The following TNRC6B variants were observed in gnomAD, a reference collection of about 807,000 sequenced individuals.
TNRC6B encodes the protein trinucleotide repeat-containing gene 6B protein.
Under a neutral mutation model 203.6 loss-of-function variants are expected in TNRC6B, and 52 were observed. That is an observed-to-expected ratio of 0.26 (90% confidence interval 0.20 to 0.32). The LOEUF (loss-of-function observed/expected upper bound fraction) is 0.32, where lower values mean the gene tolerates loss of function less well. Ranked by LOEUF, TNRC6B falls within the 10% of genes least tolerant of loss-of-function variation. The pLI, the probability that TNRC6B is intolerant of heterozygous loss-of-function variation, is 1.00. For missense variants in TNRC6B, 1,923 were observed against 2,286.2 expected (o/e 0.84, Z 3.24); for synonymous variants, 838 against 845.7 (o/e 0.99, Z 0.16).
At position 40,287,209 on chromosome 22, in the gene TNRC6B, A is replaced by G. The variant is rs181393431; in HGVS notation, c.3708+1439A>G. Among the ~76,000 whole-genome samples the G allele has an allele frequency of 1.4e-4, 22 of 151,818 alleles. No homozygotes were observed. In the East Asian group the frequency reaches 2.9e-3, roughly 20 times the overall value. On this transcript the variant is annotated intron_variant, in intron 12 of 22. Coordinates refer to ENST00000454349, the MANE Select transcript of TNRC6B (RefSeq NM_001162501.2). ...TATTGTGTAGAGGTGGAGTCATGCT[A>G]TGTTGCCCAGGCTGGTCTCAAGCTC...
chr22:40,056,769 G>A (rs1601788393), intron 1 of TNRC6B, among the ~76,000 whole-genome samples: 1 of 144,588 alleles, frequency 6.9e-6, no homozygotes, highest in African/African-American at 2.7e-5. Context: ...CTACACTCCA[G>A]CCTGAGAGAC....
intron 4 of TNRC6B, among the ~76,000 whole-genome samples, chr22:40,165,259 C>T (rs2068909011): frequency 6.6e-6 from 1 of 152,058 alleles, no homozygotes; most frequent in South Asian, 2.1e-4. Flanking sequence ...TTATTGCAGC[C>T]TCCACCTCCT....
chr22:40,228,546 G>T lies in TNRC6B; in HGVS notation c.6-17469G>T, dbSNP rs1221511955. Reference sequence around the variant, plus strand: ...GTTTCTTTTTTTTTTTTGAGACAGAGTCTTGCTGTGTCGCCCAGGCTGGAG... The same window carrying T: ...GTTTCTTTTTTTTTTTTGAGACAGATTCTTGCTGTGTCGCCCAGGCTGGAG... On this transcript the variant is annotated intron_variant, in intron 1 of 22. Transcript: ENST00000454349. Among the ~76,000 whole-genome samples, 12 of 150,428 alleles carry T rather than the reference G, an allele frequency of 8.0e-5. No individual in the cohort carries two copies. The East Asian group carries it at 2.4e-3, about 30-fold the overall frequency.
chr22:40,319,420 T>C (rs1280233070), intron 21 of TNRC6B, among the ~76,000 whole-genome samples: 2 of 149,016 alleles, frequency 1.3e-5, no homozygotes, highest in African/African-American at 2.5e-5. Context: ...AACTTTTCTT[T>C]TCTTTTTTTT....
chr22:40,231,316 G>A (rs145679083), intron 1 of TNRC6B, among the ~76,000 whole-genome samples: 5 of 152,154 alleles, frequency 3.3e-5, no homozygotes, highest in African/African-American at 4.8e-5. Flanking sequence ...TAAAGATTTC[G>A]TTGAATCTAA....
intron 1 of TNRC6B, among the ~76,000 whole-genome samples, chr22:40,081,311 T>C (rs1206649424): frequency 6.8e-6 from 1 of 147,402 alleles, no homozygotes; most frequent in African/African-American, 2.6e-5. Flanking sequence ...CTGCGTGTTT[T>C]TTTTTTTTTT....
intron 1 of TNRC6B, among the ~76,000 whole-genome samples, chr22:40,060,942 T>C (rs902517830): frequency 2.0e-5 from 3 of 152,022 alleles, no homozygotes; most frequent in African/African-American, 7.3e-5. Flanking sequence ...GTAGGTAGAG[T>C]TTAGACACAG....
chr22:40,104,972 C>T (rs922292647), intron 1 of TNRC6B, among the ~76,000 whole-genome samples: 1 of 152,112 alleles, frequency 6.6e-6, no homozygotes, highest in African/African-American at 2.4e-5. Flanking sequence ...GGAGAGGCAC[C>T]CAAGCTGTGT....
intron 1 of TNRC6B, among the ~76,000 whole-genome samples, chr22:40,049,810 G>A (rs1053738600): frequency 6.6e-6 from 1 of 151,942 alleles, no homozygotes; most frequent in East Asian, 1.9e-4. Context: ...CACCATGTTG[G>A]CCAGGCTGAT....
Position 40,324,267 on chromosome 22 carries a change from G to C in TNRC6B, c.*1026G>C, listed in dbSNP as rs924928094. 2.0e-5 allele frequency: 3 copies of C among 152,262 alleles called. No individual in the cohort carries two copies. Among genetic ancestry groups the C allele is most frequent in the African/African-American group, 7.3e-5 (3 of 41,332 alleles). The allele number at this position is 152,262 out of a possible 1,614,324, so 9.4% of individuals were successfully genotyped here. A position where few individuals can be genotyped will look rare whatever the true frequency, so the allele number is the denominator to read the frequency against. ...AAAACTAGAGCAGGAGGTACCTCTTGGAGCAACGGTGTGTTTATTTCTGTT... is the reference window on the plus strand; with the variant it reads ...AAAACTAGAGCAGGAGGTACCTCTTCGAGCAACGGTGTGTTTATTTCTGTT... On this transcript the variant is annotated 3_prime_UTR_variant, in exon 23 of 23. Transcript: ENST00000454349.
At chr22:40,244,919 TAG>T (rs1166337012) in intron 1 of TNRC6B, among the ~76,000 whole-genome samples, 1 of 150,982 alleles carries the variant, frequency 6.6e-6, no homozygotes, top group East Asian at 1.9e-4. Flanking sequence ...TGCTGTAAAT[TAG>T]AGTCTCTTAA....
intron 3 of TNRC6B, among the ~76,000 whole-genome samples, chr22:40,130,859 T>C (rs564946359): frequency 7.5e-4 from 114 of 151,052 alleles, no homozygotes; most frequent in Middle Eastern, 6.8e-3. Flanking sequence ...AGGTAAGTTG[T>C]GCAAGTATAG....
chr22:40,296,980 G>A (rs1256150375), intron 12 of TNRC6B, among the ~76,000 whole-genome samples: 1 of 152,132 alleles, frequency 6.6e-6, no homozygotes, highest in African/African-American at 2.4e-5. Flanking sequence ...GGAAAAAGTA[G>A]CTAGAAGACT....
At chr22:40,296,287 A>G (rs1465727567) in intron 12 of TNRC6B, among the ~76,000 whole-genome samples, 1 of 151,692 alleles carries the variant, frequency 6.6e-6, no homozygotes, top group African/African-American at 2.4e-5. Context: ...AATGGGAAAG[A>G]AGCACCCCTC....
At chr22:40,260,084 C>A (rs1319763744) in intron 3 of TNRC6B, among the ~76,000 whole-genome samples, 1 of 152,078 alleles carries the variant, frequency 6.6e-6, no homozygotes, top group Non-Finnish European at 1.5e-5. Context: ...CCCCGACATT[C>A]CCACGCTGTG....
intron 1 of TNRC6B, among the ~76,000 whole-genome samples, chr22:40,227,062 G>A (rs1470561818): frequency 6.8e-6 from 1 of 146,506 alleles, no homozygotes; most frequent in Admixed American, 6.9e-5. Context: ...GGCATGTGTC[G>A]CCACACCCAG....
Position 40,335,557 on chromosome 22 carries a change from G to C in TNRC6B, c.*12316G>C, listed in dbSNP as rs142204079. The C allele has an allele frequency of 8.7e-4, 132 of 151,014 alleles. No homozygotes were observed. The highest frequency in any genetic ancestry group is 3.1e-3 in the African/African-American group (129 of 41,228). The allele number at this position is 151,014 out of a possible 1,614,324, so 9.4% of individuals were successfully genotyped here. On this transcript the variant is annotated 3_prime_UTR_variant, in exon 23 of 23. Transcript: ENST00000454349. ...TGGATTGTGACAGGTTGAGTAATAA[G>C]GAATTAAGTCGTCGTCATTTCATTA...
intron 1 of TNRC6B, among the ~76,000 whole-genome samples, chr22:40,194,005 G>T (rs531188477): frequency 1.2e-4 from 18 of 152,332 alleles, no homozygotes; most frequent in African/African-American, 4.3e-4. Flanking sequence ...AACACAGTTA[G>T]TTGGGGTTGG....
chr22:40,081,549 T>G (rs984552697), intron 1 of TNRC6B, among the ~76,000 whole-genome samples: 2 of 152,194 alleles, frequency 1.3e-5, no homozygotes, highest in Non-Finnish European at 2.9e-5. Flanking sequence ...CGGCATGGCT[T>G]TGGAATTAGA....
Sources: allele counts gnomAD v4.1 joint callset (sites outside exome capture counted in the v4.1 genomes callset), GRCh38; gene constraint gnomAD v4.1.1; transcripts MANE v1.5; gene names NCBI Gene and HGNC (gene_info 2026-07-23, HGNC 2026-07-21).